The following TXNRD1 variants were observed in gnomAD, a reference collection of about 807,000 sequenced individuals.
The protein encoded by TXNRD1 is thioredoxin reductase 1, cytoplasmic.
TXNRD1 carries 57 observed loss-of-function variants against 80.3 expected under a neutral mutation model. The observed-to-expected ratio is 0.71, with a 90% CI of 0.57 to 0.89. TXNRD1 has a LOEUF of 0.89. Among genes scored for constraint, TXNRD1 ranks in the 40% least tolerant of loss-of-function variants. The probability of loss-of-function intolerance (pLI) is 0.00; values close to 1 mark genes in which losing one functional copy is unlikely to be tolerated. For synonymous variants in TXNRD1, 291 were observed against 285.2 expected (o/e 1.02, Z -0.20); for missense variants, 730 against 803.0 (o/e 0.91, Z 1.10).
chr12:104,288,378 A>G (rs1052473607), intron 3 of TXNRD1, among the ~76,000 whole-genome samples: 1 of 152,208 alleles, frequency 6.6e-6, no homozygotes, highest in African/African-American at 2.4e-5. Context: ...ATTAGTGCCT[A>G]GTTTCATCTG....
chr12:104,319,358 C>T, intron 8 of TXNRD1, 112 bp from the exon 9 acceptor site: 1 of 730,980 alleles, frequency 1.4e-6, no homozygotes, highest in Non-Finnish European at 2.3e-6. Flanking sequence ...TATTATTGTC[C>T]TCATTATGAG....
At chr12:104,221,026 G>C (rs558982443) in intron 1 of TXNRD1, among the ~76,000 whole-genome samples, 39 of 152,282 alleles carry the variant, frequency 2.6e-4, no homozygotes, top group South Asian at 8.3e-4. Flanking sequence ...CTGGCACTTT[G>C]GGAGGCCCAG....
chr12:104,313,314 T>A lies in TXNRD1; in HGVS notation c.607T>A (p.Trp203Arg), dbSNP rs2035206354. Residue 203 changes from tryptophan (W) to arginine (R), a missense_variant, in exon 6 of 17, where the codon TGG becomes AGG. By Grantham distance (101) the Trp-to-Arg change is moderately radical (BLOSUM62 -3). Transcript: ENST00000525566. ...FVTPTPLGTR[W>R]GLGGTCVNVG... ...CACTCCCACCCCTCTTGGAACTAGA[T>A]GGGGTAAGCTTTTAAGATACTCTAG... 1 of 1,581,542 alleles carries A rather than the reference T, an allele frequency of 6.3e-7. No homozygotes were observed. The highest frequency in any genetic ancestry group is 8.6e-7 in the Non-Finnish European group (1 of 1,161,566).
intron 2 of TXNRD1, among the ~76,000 whole-genome samples, chr12:104,252,734 G>T (rs1476472066): frequency 7.0e-5 from 7 of 100,156 alleles, no homozygotes; most frequent in African/African-American, 2.9e-4. Context: ...ACGGAGTCTC[G>T]CTCTGTTGCC....
At chr12:104,224,495 T>A (rs1032764264) in intron 1 of TXNRD1, among the ~76,000 whole-genome samples, 5 of 152,128 alleles carry the variant, frequency 3.3e-5, no homozygotes, top group African/African-American at 1.2e-4. Context: ...TTGAGGCAAT[T>A]CTTCTGCCTC....
chr12:104,295,327 A>G (rs2034402181), intron 4 of TXNRD1, among the ~76,000 whole-genome samples: 1 of 152,194 alleles, frequency 6.6e-6, no homozygotes, highest in Admixed American at 6.5e-5. Flanking sequence ...TATTCTAGGC[A>G]TCACCTTCTT....
At chr12:104,240,892 G>A (rs895604570) in intron 1 of TXNRD1, among the ~76,000 whole-genome samples, 27 of 151,532 alleles carry the variant, frequency 1.8e-4, no homozygotes, top group Non-Finnish European at 4.4e-5. Context: ...ACAGGCGCCC[G>A]CCACCATGCC....
intron 2 of TXNRD1, among the ~76,000 whole-genome samples, chr12:104,253,844 C>A (rs1014244765): frequency 6.6e-6 from 1 of 152,046 alleles, no homozygotes; most frequent in African/African-American, 2.4e-5. Context: ...AGGTGCACAC[C>A]ACCATGCCTG....
At chr12:104,325,755 CCAGCTATT>C (rs2035738220) in intron 11 of TXNRD1, among the ~76,000 whole-genome samples, 1 of 152,008 alleles carries the variant, frequency 6.6e-6, no homozygotes, top group Admixed American at 6.6e-5. Flanking sequence ...GCCTGTAGTC[CCAGCTATT>C]CGGGACGTTG....
intron 14 of TXNRD1, among the ~76,000 whole-genome samples, chr12:104,333,525 T>G (rs966926991): frequency 6.6e-6 from 1 of 152,220 alleles, no homozygotes; most frequent in African/African-American, 2.4e-5. Context: ...AACCCATGTT[T>G]ATTTTTAAAA....
At chr12:104,261,438 C>T in intron 3 of TXNRD1, among the ~76,000 whole-genome samples, 1 of 152,184 alleles carries the variant, frequency 6.6e-6, no homozygotes, top group East Asian at 1.9e-4. Flanking sequence ...TCTGGGATTA[C>T]AGGCGTGAGC....
rs77868601 is a variant in TXNRD1 at position 104,293,373 on chromosome 12, C to T, written c.414+4333C>T. Among the ~76,000 whole-genome samples the T allele has an allele frequency of 4.1e-3, 631 of 152,270 alleles. 5 individuals are homozygous for T. Among genetic ancestry groups the T allele is most frequent in the African/African-American group, 0.014 (593 of 41,560 alleles). ...GAGAGATGACAGGCACCAAGCAATG[C>T]GGGATTAATATCCAGGTGAATTTTG... On this transcript the variant is annotated intron_variant, in intron 4 of 16. Coordinates refer to ENST00000525566, the MANE Select transcript of TXNRD1 (RefSeq NM_001093771.3).
chr12:104,297,855 T>A (rs942702378), intron 4 of TXNRD1, among the ~76,000 whole-genome samples: 2 of 152,212 alleles, frequency 1.3e-5, no homozygotes, highest in Non-Finnish European at 2.9e-5. Context: ...ACCCTCCCTG[T>A]CTATCAAAAT....
chr12:104,244,046 A>G (rs2032930407), intron 1 of TXNRD1, among the ~76,000 whole-genome samples: 1 of 152,130 alleles, frequency 6.6e-6, no homozygotes, highest in Admixed American at 6.6e-5. Context: ...TGCATTCCTT[A>G]TGTACCGTGA....
At chr12:104,258,173 T>C in intron 3 of TXNRD1, 94 bp downstream of exon 3, 1 of 1,032,950 alleles carries the variant, frequency 9.7e-7, no homozygotes, top group Non-Finnish European at 1.4e-6. Context: ...CTTGAGGTTT[T>C]TATTGTTTAG....
At chr12:104,267,665 C>CT (rs902714847) in intron 3 of TXNRD1, among the ~76,000 whole-genome samples, 1 of 32,822 alleles carries the variant, frequency 3.0e-5, no homozygotes, top group African/African-American at 1.1e-4. Flanking sequence ...TTCTTTCTTT[C>CT]TTTCTTTCTT....
At chr12:104,302,598 T>C (rs1240918555) in intron 4 of TXNRD1, among the ~76,000 whole-genome samples, 1 of 142,974 alleles carries the variant, frequency 7.0e-6, no homozygotes, top group Admixed American at 7.5e-5. Context: ...CACGCCATTC[T>C]TCTGCCTCAG....
At chr12:104,237,060 A>G (rs1418043698) in intron 1 of TXNRD1, among the ~76,000 whole-genome samples, 3 of 152,180 alleles carry the variant, frequency 2.0e-5, no homozygotes, top group Non-Finnish European at 4.4e-5. Context: ...GGAACAAGAA[A>G]CAAATCAAAA....
At chr12:104,297,693 T>G (rs1366267679) in intron 4 of TXNRD1, among the ~76,000 whole-genome samples, 1 of 152,166 alleles carries the variant, frequency 6.6e-6, no homozygotes, top group African/African-American at 2.4e-5. Flanking sequence ...TGACAACCAC[T>G]CTGTATGGCA....
Sources: gnomAD v4.1 joint callset for allele counts (sites outside exome capture counted in the v4.1 genomes callset) on GRCh38, gnomAD v4.1.1 for gene constraint, MANE v1.5 for transcripts, NCBI Gene and HGNC (gene_info 2026-07-23, HGNC 2026-07-21) for gene names.